Variants in ARIH1 observed in about 807,000 individuals in gnomAD.
ARIH1 encodes ariadne RBR E3 ubiquitin protein ligase 1.
In ARIH1, 8 loss-of-function variants were observed where a neutral mutation model predicts 85.0. The ratio of observed to expected loss-of-function variants is 0.09; its 90% CI spans 0.06 to 0.17. The LOEUF is 0.17. ARIH1 is among the 10% of genes least tolerant of loss of function. ARIH1 has a pLI of 1.00. For synonymous variants in ARIH1, 238 were observed against 253.6 expected (o/e 0.94, Z 0.59); for missense variants, 311 against 718.1 (o/e 0.43, Z 6.48).
intron 2 of ARIH1, among the ~76,000 whole-genome samples, chr15:72,523,013 C>T (rs949805259): frequency 6.6e-6 from 1 of 152,048 alleles, no homozygotes; most frequent in African/African-American, 2.4e-5. Context: ...GGATGTGGAG[C>T]GGTAGGAACT....
intron 7 of ARIH1, among the ~76,000 whole-genome samples, chr15:72,566,059 G>A (rs776076228): frequency 6.6e-5 from 10 of 152,046 alleles, no homozygotes; most frequent in Non-Finnish European, 1.3e-4. Context: ...TAGTCTTTTT[G>A]TTTTATACCT....
intron 2 of ARIH1, among the ~76,000 whole-genome samples, chr15:72,541,014 C>T (rs1271217716): frequency 1.3e-5 from 2 of 152,084 alleles, no homozygotes; most frequent in African/African-American, 4.8e-5. Flanking sequence ...TGAGAAAAGA[C>T]AAGAGACAAA....
chr15:72,543,451 A>G (rs2064116506), intron 2 of ARIH1, among the ~76,000 whole-genome samples: 1 of 152,180 alleles, frequency 6.6e-6, no homozygotes, highest in Non-Finnish European at 1.5e-5. Flanking sequence ...AGTTCCTGAC[A>G]ACTTTTAACT....
At chr15:72,552,285 T>C (rs1220080457) in intron 3 of ARIH1, among the ~76,000 whole-genome samples, 2 of 152,114 alleles carry the variant, frequency 1.3e-5, no homozygotes, top group East Asian at 1.9e-4. Flanking sequence ...GAGAAATCCA[T>C]TGGATTTATT....
Position 72,590,672 on chromosome 15 carries a change from C to G in ARIH1, c.*7380C>G, listed in dbSNP as rs538329141. 6.6e-6 allele frequency: 1 copy of G among 152,408 alleles called. No homozygotes were observed. The highest frequency in any genetic ancestry group is 2.1e-4 in the South Asian group (1 of 4,826). The allele number at this position is 152,408 out of a possible 1,614,324, so 9.4% of individuals were successfully genotyped here. A position where few individuals can be genotyped will look rare whatever the true frequency, so the allele number is the denominator to read the frequency against. ...TTAGGGTGCACTACTGCCGTGAACT[C>G]CAGGACTCAAGCCATCTTCCTGCCA... On this transcript the variant is annotated 3_prime_UTR_variant, in exon 14 of 14. Coordinates refer to ENST00000379887, the MANE Select transcript of ARIH1 (RefSeq NM_005744.5).
chr15:72,549,473 G>C (rs889407616), intron 3 of ARIH1, among the ~76,000 whole-genome samples: 14 of 152,138 alleles, frequency 9.2e-5, no homozygotes, highest in Non-Finnish European at 1.8e-4. Flanking sequence ...GAAATTGTGA[G>C]GAAGGGTGGT....
At chr15:72,499,437 T>G (rs1437675945) in intron 1 of ARIH1, among the ~76,000 whole-genome samples, 7 of 152,232 alleles carry the variant, frequency 4.6e-5, no homozygotes, top group Admixed American at 4.6e-4. Context: ...TCTTTCCTTT[T>G]TCTTCCTCCA....
At chr15:72,506,836 G>GT (rs548966122) in intron 1 of ARIH1, among the ~76,000 whole-genome samples, 162 of 149,772 alleles carry the variant, frequency 1.1e-3, no homozygotes, top group African/African-American at 2.5e-3. Flanking sequence ...TAAAAAAGTG[G>GT]TTTTTTTTTG....
rs1251533496 is a variant in ARIH1, at chr15:72,600,169, A to G, written c.*16877A>G. The stretch of plus-strand genomic sequence containing the variant: ...TTTATACATATATTGGGGGTGTTGA[A>G]AAGTTACCGATGCCTGATTCCTCTT... On this transcript the variant is annotated 3_prime_UTR_variant, in exon 14 of 14. Transcript: ENST00000379887. 6.6e-6 allele frequency: 1 copy of G among 152,198 alleles called. No homozygotes were observed. The highest frequency in any genetic ancestry group is 1.5e-5 in the Non-Finnish European group (1 of 68,044). 9.4% of individuals were successfully genotyped at this position (152,198 alleles called of 1,614,324 possible). A position where few individuals can be genotyped will look rare whatever the true frequency, so the allele number is the denominator to read the frequency against.
intron 1 of ARIH1, 156 bp downstream of exon 1, chr15:72,475,170 G>GT: frequency 1.5e-6 from 2 of 1,368,752 alleles, no homozygotes; most frequent in Non-Finnish European, 1.9e-6. Flanking sequence ...GGGATAGAGG[G>GT]TGTCGAAAGC....
At chr15:72,517,341 A>G (rs999594557) in intron 1 of ARIH1, among the ~76,000 whole-genome samples, 4 of 152,104 alleles carry the variant, frequency 2.6e-5, no homozygotes, top group Non-Finnish European at 4.4e-5. Flanking sequence ...GGGGCCTGAG[A>G]TCCTCCTGCC....
Position 72,518,090 on chromosome 15 carries a change from A to G in ARIH1, c.399A>G (p.Ile133Met). The part of the protein sequence containing the change: ...VIQNPATITR[I>M]LLSHFNWDKE... ...AGAATCCAGCAACTATCACAAGAAT[A>G]CTCCTTAGCCACTTCAATTGGGATA... Residue 133 changes from isoleucine (I) to methionine (M), a missense_variant, in exon 2 of 14, where the codon ATA (isoleucine) becomes ATG (methionine). Physicochemically the swap from Ile to Met is conservative, Grantham distance 10 (BLOSUM62 1). Around this residue, in one of 3 missense-constraint regions of ARIH1, gnomAD observed 104 missense variants for 221.4 expected, o/e 0.47. Coordinates refer to ENST00000379887, the MANE Select transcript of ARIH1 (RefSeq NM_005744.5). The G allele has an allele frequency of 6.2e-7, 1 of 1,611,508 alleles. No individual in the cohort carries two copies. Among genetic ancestry groups the G allele is most frequent in the Non-Finnish European group, 8.5e-7 (1 of 1,178,280 alleles).
chr15:72,567,630 C>G (rs1343299758), intron 9 of ARIH1, among the ~76,000 whole-genome samples: 1 of 152,216 alleles, frequency 6.6e-6, no homozygotes, highest in South Asian at 2.1e-4. Context: ...AATTCACTTT[C>G]TTAACCCCAG....
At chr15:72,565,972 C>G (rs1368963034) in intron 7 of ARIH1, among the ~76,000 whole-genome samples, 2 of 151,922 alleles carry the variant, frequency 1.3e-5, no homozygotes, top group African/African-American at 4.8e-5. Flanking sequence ...GTTAATTATA[C>G]TTCTTTTACA....
chr15:72,559,490 T>C (rs940585939), intron 5 of ARIH1, among the ~76,000 whole-genome samples: 15 of 152,128 alleles, frequency 9.9e-5, no homozygotes, highest in African/African-American at 3.6e-4. Context: ...CAGGCTGGTT[T>C]TGAACTCCTG....
At chr15:72,531,868 A>G (rs1300641010) in intron 2 of ARIH1, among the ~76,000 whole-genome samples, 1 of 152,200 alleles carries the variant, frequency 6.6e-6, no homozygotes, top group Middle Eastern at 3.2e-3. Flanking sequence ...TTTTAAAGCC[A>G]ACCAACATTT....
At chr15:72,507,731 C>T (rs1188203481) in intron 1 of ARIH1, among the ~76,000 whole-genome samples, 1 of 152,176 alleles carries the variant, frequency 6.6e-6, no homozygotes, top group Non-Finnish European at 1.5e-5. Context: ...AAATTGAGAA[C>T]TACTTGATCA....
intron 2 of ARIH1, among the ~76,000 whole-genome samples, chr15:72,544,397 T>C (rs2064120149): frequency 6.6e-6 from 1 of 152,190 alleles, no homozygotes; most frequent in African/African-American, 2.4e-5. Flanking sequence ...AATATTACTC[T>C]TCATAGGTAC....
chr15:72,509,858 G>A lies in ARIH1; in HGVS notation c.376-8209G>A, dbSNP rs906198620. On this transcript the variant is annotated intron_variant, in intron 1 of 13. Transcript: ENST00000379887. The stretch of plus-strand genomic sequence containing the variant: ...TCCCGCCTTGGCCCCTCAAAGTGTT[G>A]GGATTACAGGTGTGACACCAATCGC... Among the ~76,000 whole-genome samples the A allele has an allele frequency of 6.6e-5, 10 of 151,612 alleles. No individual in the cohort carries two copies. In the East Asian group the frequency reaches 1.9e-3, roughly 29 times the overall value.
Sources: gnomAD v4.1 joint callset for allele counts (sites outside exome capture counted in the v4.1 genomes callset) on GRCh38, gnomAD v4.1.1 for gene constraint, gnomAD v4.1.1 regional missense constraint, MANE v1.5 for transcripts, NCBI Gene and HGNC (gene_info 2026-07-23, HGNC 2026-07-21) for gene names.